LRGUK: variants seen among roughly 807,000 people sequenced by gnomAD.
LRGUK encodes the protein leucine-rich repeat and guanylate kinase domain-containing protein.
Under a neutral mutation model 76.0 loss-of-function variants are expected in LRGUK, and 65 were observed. The observed-to-expected ratio is 0.85, with a 90% CI of 0.70 to 1.05. LRGUK has a LOEUF of 1.05. Ranked by LOEUF, LRGUK falls within the 50% of genes least tolerant of loss-of-function variation. The pLI is 0.00. For missense variants in LRGUK, 758 were observed against 732.8 expected, an observed-to-expected ratio of 1.03 and a Z score of -0.40; for synonymous variants, 268 against 265.6, an observed-to-expected ratio of 1.01 and a Z score of -0.09.
chr7:134,232,270 G>A (rs1018905438), intron 16 of LRGUK, among the ~76,000 whole-genome samples: 1 of 150,862 alleles, frequency 6.6e-6, no homozygotes, highest in Non-Finnish European at 1.5e-5. Context: ...TATACTGACA[G>A]TTGTTTTTAA....
At chr7:134,234,330 G>A (rs2117180310) in intron 16 of LRGUK, among the ~76,000 whole-genome samples, 1 of 152,078 alleles carries the variant, frequency 6.6e-6, no homozygotes, top group Middle Eastern at 3.4e-3. Context: ...TTTGTTCATA[G>A]ATGGTTTCCC....
chr7:134,238,557 T>G (rs1802065506), intron 16 of LRGUK, among the ~76,000 whole-genome samples: 1 of 152,162 alleles, frequency 6.6e-6, no homozygotes, highest in African/African-American at 2.4e-5. Context: ...GGTTTTTTTG[T>G]TTATTTCTAA....
chr7:134,195,958 G>T (rs1800466383), intron 12 of LRGUK, among the ~76,000 whole-genome samples: 2 of 151,960 alleles, frequency 1.3e-5, no homozygotes, highest in Non-Finnish European at 2.9e-5. Context: ...ACGCCTTCTG[G>T]TCTCTGACCT....
At chr7:134,226,464 T>C (rs975713390) in intron 16 of LRGUK, among the ~76,000 whole-genome samples, 2 of 152,198 alleles carry the variant, frequency 1.3e-5, no homozygotes, top group African/African-American at 4.8e-5. Flanking sequence ...ATAACGAGGC[T>C]GGTTTTGTGT....
the LRGUK span, among the ~76,000 whole-genome samples, chr7:134,271,971 C>A: frequency 6.6e-6 from 1 of 151,872 alleles, no homozygotes. Flanking sequence ...AACAATATTC[C>A]TTTTCTTTCC....
At chr7:134,158,972 G>C (rs899138703) in intron 6 of LRGUK, among the ~76,000 whole-genome samples, 7 of 152,112 alleles carry the variant, frequency 4.6e-5, no homozygotes, top group African/African-American at 1.7e-4. Flanking sequence ...GGGATTTCAA[G>C]CCATGAGGCT....
intron 7 of LRGUK, among the ~76,000 whole-genome samples, chr7:134,169,193 C>G: frequency 7.4e-6 from 1 of 134,738 alleles, no homozygotes; most frequent in Non-Finnish European, 1.6e-5. Context: ...CACACACACA[C>G]ACTGAAGGCC....
At chr7:134,203,107 G>A (rs1004655337) in intron 15 of LRGUK, among the ~76,000 whole-genome samples, 10 of 152,108 alleles carry the variant, frequency 6.6e-5, no homozygotes, top group African/African-American at 2.4e-4. Flanking sequence ...GGAGGCTGAG[G>A]CAGGAGAATT....
At chr7:134,157,128 G>A (rs1265632536) in intron 5 of LRGUK, among the ~76,000 whole-genome samples, 1 of 152,168 alleles carries the variant, frequency 6.6e-6, no homozygotes, top group Non-Finnish European at 1.5e-5. Context: ...ACAATAAATG[G>A]AATTTAACGG....
intron 16 of LRGUK, among the ~76,000 whole-genome samples, chr7:134,231,883 CCT>C (rs1801908058): frequency 6.6e-6 from 1 of 151,330 alleles, no homozygotes; most frequent in African/African-American, 2.4e-5. Flanking sequence ...TTCCTTCCTT[CCT>C]CTCTTCCTCC....
At chr7:134,223,990 A>G (rs1490499969) in intron 16 of LRGUK, among the ~76,000 whole-genome samples, 1 of 152,150 alleles carries the variant, frequency 6.6e-6, no homozygotes, top group Admixed American at 6.5e-5. Flanking sequence ...GGTAGAAGTC[A>G]ACAGGTAAGG....
intron 12 of LRGUK, among the ~76,000 whole-genome samples, chr7:134,194,421 G>A (rs115941031): frequency 0.016 from 2,491 of 152,156 alleles, 71 homozygotes; most frequent in African/African-American, 0.056. Context: ...GGGTTCTCCA[G>A]AGAAACAGAA....
chr7:134,194,856 C>T (rs1364199075), intron 12 of LRGUK, among the ~76,000 whole-genome samples: 4 of 152,114 alleles, frequency 2.6e-5, no homozygotes, highest in Non-Finnish European at 4.4e-5. Context: ...TCACCTTGCC[C>T]GCTGCCTAGA....
intron 19 of LRGUK, among the ~76,000 whole-genome samples, chr7:134,260,163 T>C (rs1341419695): frequency 6.6e-6 from 1 of 152,132 alleles, no homozygotes; most frequent in Non-Finnish European, 1.5e-5. Context: ...ATCTGTCGTA[T>C]AATAATATGG....
intron 5 of LRGUK, among the ~76,000 whole-genome samples, chr7:134,155,186 T>C (rs1798403517): frequency 6.6e-6 from 1 of 152,208 alleles, no homozygotes; most frequent in African/African-American, 2.4e-5. Context: ...AAAGATTGCC[T>C]GCTCCAAGGG....
Position 134,163,643 on chromosome 7 carries a change from AT to A in LRGUK, c.939+105del, listed in dbSNP as rs1246165825. The A allele has an allele frequency of 1.0e-5, 10 of 1,000,676 alleles. No individual in the cohort carries two copies. In the Admixed American group the frequency reaches 2.0e-4, roughly 20 times the overall value. 62.0% of individuals were successfully genotyped at this position (1,000,676 alleles called of 1,614,324 possible). ...TTTTTGGTTTCTTAAGGGCGGACAC[AT>A]TAAATGTCAGCTTAGAAATATTGTT... On this transcript the variant is annotated intron_variant, in intron 7 of 15. Coordinates refer to ENST00000645682, the Ensembl canonical transcript of LRGUK.
intron 1 of LRGUK, among the ~76,000 whole-genome samples, chr7:134,131,566 C>T (rs769050856): frequency 2.0e-5 from 3 of 152,096 alleles, no homozygotes; most frequent in Non-Finnish European, 2.9e-5. Context: ...ACAGAAGAAG[C>T]CTCCTAGGTA....
exon 13 of LRGUK, chr7:134,197,101 T>C: frequency 1.3e-6 from 2 of 1,575,234 alleles, no homozygotes; most frequent in Non-Finnish European, 1.7e-6. Flanking sequence ...CATATGGAAA[T>C]AGAAGTAAGT....
At position 134,163,541 on chromosome 7, in the gene LRGUK, G is replaced by A. The variant is rs148321397; in HGVS notation, c.939+1G>A. On this transcript the variant is annotated splice_donor_variant, in intron 7 of 15. Transcript: ENST00000645682. LOFTEE classifies it high-confidence loss of function. ...AGTGATCAACCTGGAGGATAATAAG[G>A]TAGTGTTGCACTTCACATGTCTTGG... 6.2e-5 allele frequency: 99 copies of A among 1,608,680 alleles called. No individual in the cohort carries two copies. The highest frequency in any genetic ancestry group is 7.8e-5 in the Non-Finnish European group (92 of 1,177,332).
Sources: gnomAD v4.1 joint callset for allele counts (sites outside exome capture counted in the v4.1 genomes callset) on GRCh38, gnomAD v4.1.1 for gene constraint, MANE v1.5 for transcripts, NCBI Gene and HGNC (gene_info 2026-07-23, HGNC 2026-07-21) for gene names.